The following HDAC9 variants were observed in gnomAD, a reference collection of about 807,000 sequenced individuals.
HDAC9 encodes histone deacetylase 9, also known as MEF-2 interacting transcription repressor (MITR) protein.
Under a neutral mutation model 139.4 loss-of-function variants are expected in HDAC9, and 41 were observed. That is an observed-to-expected ratio of 0.29 (90% CI 0.23 to 0.38). HDAC9 has a LOEUF of 0.38. HDAC9 is among the 10% of genes least tolerant of loss of function. The pLI is 1.00. For synonymous variants in HDAC9, 517 were observed against 476.2 expected (o/e 1.09, Z -1.12); for missense variants, 1,147 against 1,297.0 (o/e 0.88, Z 1.78).
At chr7:18,481,119 T>G (rs1299559770) in intron 1 of HDAC9, among the ~76,000 whole-genome samples, 1 of 152,180 alleles carries the variant, frequency 6.6e-6, no homozygotes, top group Non-Finnish European at 1.5e-5. Context: ...CTGGCCAAGC[T>G]GAGCTGCTGG....
In HDAC9 at chr7:18,138,585, T is replaced by C. The variant is rs540354606; in HGVS notation, c.-96-23644T>C. Among the ~76,000 whole-genome samples the C allele has an allele frequency of 2.5e-3, 378 of 150,028 alleles. 2 individuals carry two copies. Among genetic ancestry groups the C allele is most frequent in the African/African-American group, 9.2e-3 (367 of 40,100 alleles). ...GTGTGCACATGCTCATTTAGTTATT[T>C]GGGTTTTGGCTCAAGTGGATACAGT... On this transcript the variant is annotated intron_variant, in intron 1 of 12. Transcript: ENST00000417496.
intron 2 of HDAC9, among the ~76,000 whole-genome samples, chr7:18,183,053 G>A (rs556626964): frequency 1.2e-3 from 173 of 147,654 alleles, no homozygotes; most frequent in East Asian, 8.5e-3. Flanking sequence ...TCTGTTGCCC[G>A]TGCTGGAGTG....
At chr7:18,711,928 A>G (rs1463718726) in intron 12 of HDAC9, among the ~76,000 whole-genome samples, 1 of 128,194 alleles carries the variant, frequency 7.8e-6, no homozygotes, top group South Asian at 2.5e-4. Context: ...TTCTCACCAT[A>G]CTTCTTTTTT....
chr7:18,111,402 GAAAGTTAGAT>G (rs1251240945), intron 1 of HDAC9, among the ~76,000 whole-genome samples: 1 of 152,162 alleles, frequency 6.6e-6, no homozygotes, highest in Non-Finnish European at 1.5e-5. Flanking sequence ...TATTTAAGGA[GAAAGTTAGAT>G]AAAGTCCTAA....
intron 22 of HDAC9, among the ~76,000 whole-genome samples, chr7:18,917,947 G>C (rs989106921): frequency 1.3e-5 from 2 of 151,958 alleles, no homozygotes; most frequent in African/African-American, 2.4e-5. Flanking sequence ...TTGTCATTGG[G>C]TAGTTTGAGA....
At chr7:18,240,649 C>G (rs1794128364) in intron 2 of HDAC9, among the ~76,000 whole-genome samples, 1 of 152,084 alleles carries the variant, frequency 6.6e-6, no homozygotes, top group Admixed American at 6.6e-5. Flanking sequence ...GATCACGTTA[C>G]TCCTCTGCTC....
At chr7:18,959,941 A>G (rs534957698) in intron 24 of HDAC9, among the ~76,000 whole-genome samples, 1 of 152,140 alleles carries the variant, frequency 6.6e-6, no homozygotes, top group East Asian at 1.9e-4. Flanking sequence ...TTTTACATAA[A>G]TACAGGAGCA....
At chr7:18,458,698 A>G in intron 1 of HDAC9, 1 of 537,488 alleles carries the variant, frequency 1.9e-6, no homozygotes, top group Non-Finnish European at 3.3e-6. Flanking sequence ...TTAACTAGGC[A>G]AAACTTCGAT....
intron 21 of HDAC9, among the ~76,000 whole-genome samples, chr7:18,861,305 C>G (rs1055832276): frequency 6.6e-6 from 1 of 152,088 alleles, no homozygotes; most frequent in East Asian, 1.9e-4. Flanking sequence ...CATGTTTCAA[C>G]ATTTTGTTGT....
At chr7:18,610,980 T>C (rs1836963626) in intron 6 of HDAC9, among the ~76,000 whole-genome samples, 2 of 152,204 alleles carry the variant, frequency 1.3e-5, no homozygotes, top group African/African-American at 4.8e-5. Context: ...CTTTCCTGTT[T>C]ATTTAAAAAC....
At chr7:18,427,081 C>T (rs767285000) in intron 1 of HDAC9, among the ~76,000 whole-genome samples, 13 of 152,112 alleles carry the variant, frequency 8.5e-5, no homozygotes, top group South Asian at 4.1e-4. Context: ...ATACAATTAA[C>T]TTCATTGCCT....
At chr7:18,588,651 C>G (rs1017586012) in intron 3 of HDAC9, among the ~76,000 whole-genome samples, 2 of 152,188 alleles carry the variant, frequency 1.3e-5, no homozygotes, top group Non-Finnish European at 2.9e-5. Flanking sequence ...ATGTGAGGAA[C>G]ATGCCATTGG....
chr7:18,595,318 A>G (rs932565931), intron 6 of HDAC9, among the ~76,000 whole-genome samples: 1 of 151,350 alleles, frequency 6.6e-6, no homozygotes, highest in Non-Finnish European at 1.5e-5. Context: ...GTATTGCATC[A>G]GAATTCCACC....
At chr7:18,989,809 T>C (rs1458741937) in intron 25 of HDAC9, among the ~76,000 whole-genome samples, 1 of 123,024 alleles carries the variant, frequency 8.1e-6, no homozygotes, top group African/African-American at 3.2e-5. Context: ...TGATTTCATC[T>C]TCCATTGCTG....
intron 2 of HDAC9, among the ~76,000 whole-genome samples, chr7:18,191,040 T>C (rs897726541): frequency 2.6e-5 from 4 of 152,174 alleles, no homozygotes; most frequent in Admixed American, 6.5e-5. Flanking sequence ...AACACAGGGA[T>C]TAAGGGTGCT....
chr7:18,098,435 A>G (rs1782647571), intron 1 of HDAC9, among the ~76,000 whole-genome samples: 1 of 152,044 alleles, frequency 6.6e-6, no homozygotes, highest in South Asian at 2.1e-4. Flanking sequence ...TTTTCCACTC[A>G]TTTTCTGTTT....
At chr7:18,114,909 T>A (rs1783866567) in intron 1 of HDAC9, among the ~76,000 whole-genome samples, 1 of 152,192 alleles carries the variant, frequency 6.6e-6, no homozygotes, top group African/African-American at 2.4e-5. Flanking sequence ...TAAAAAATAT[T>A]AGAAACGAGT....
At chr7:18,345,803 C>G (rs1782368227) in intron 1 of HDAC9, among the ~76,000 whole-genome samples, 1 of 151,878 alleles carries the variant, frequency 6.6e-6, no homozygotes, top group East Asian at 1.9e-4. Flanking sequence ...CTTCATTCAG[C>G]ATTTTTTTTC....
chr7:18,330,528 A>AT (rs1473177416), intron 1 of HDAC9, among the ~76,000 whole-genome samples: 2 of 151,524 alleles, frequency 1.3e-5, no homozygotes, highest in Non-Finnish European at 3.0e-5. Context: ...ACCAAAGAGA[A>AT]TTAATCTCTT....
Sources: gnomAD v4.1 joint callset for allele counts (sites outside exome capture counted in the v4.1 genomes callset) on GRCh38, gnomAD v4.1.1 for gene constraint, MANE v1.5 for transcripts, NCBI Gene and HGNC (gene_info 2026-07-23, HGNC 2026-07-21) for gene names.